ARID5A: variants seen among roughly 807,000 people sequenced by gnomAD.
The protein encoded by ARID5A is AT-rich interaction domain 5A, also known as AT-rich interactive domain-containing protein 5A.
A neutral mutation model predicts 30.5 loss-of-function variants in ARID5A; 14 were observed. The ratio of observed to expected loss-of-function variants is 0.46; its 90% CI spans 0.30 to 0.72. The LOEUF is 0.72. Among genes scored for constraint, ARID5A ranks in the 30% least tolerant of loss-of-function variants. ARID5A has a pLI of 0.07. For missense variants in ARID5A, 669 were observed against 786.2 expected (o/e 0.85, Z 1.78); for synonymous variants, 338 against 340.4 (o/e 0.99, Z 0.08).
chr2:96,537,184 C>G lies in ARID5A; in HGVS notation c.4+354C>G, dbSNP rs2065750050. 6.6e-6 allele frequency among the ~76,000 whole-genome samples: 1 copy of G among 152,226 alleles called. No homozygotes were observed. The highest frequency in any genetic ancestry group is 2.1e-4 in the South Asian group (1 of 4,836). The stretch of plus-strand genomic sequence containing the variant: ...CCGGTACGGCTCTGTCGTCCCACTT[C>G]CTGCTGCGGTTTCCACCTCGAGCTG... On this transcript the variant is annotated intron_variant, in intron 1 of 6. Coordinates refer to ENST00000357485, the MANE Select transcript of ARID5A (RefSeq NM_212481.3). This position sits in a 1 kb window ranked among gnomAD's most constrained non-coding sequence, Gnocchi z 4.8.
In ARID5A at chr2:96,550,034, G is replaced by A. The variant is rs2065999023; in HGVS notation, c.313-154G>A. Reference sequence around the variant, plus strand: ...AAAACTGCTTGGGCCAGCAGTCCATGGCCCTAGGAGAGAGAATCGGCTGGC... The same window carrying A: ...AAAACTGCTTGGGCCAGCAGTCCATAGCCCTAGGAGAGAGAATCGGCTGGC... On this transcript the variant is annotated intron_variant, in intron 4 of 6. Transcript: ENST00000357485. This position sits in a 1 kb window ranked among gnomAD's most constrained non-coding sequence, Gnocchi z 6.6. 1.3e-6 allele frequency: 2 copies of A among 1,533,500 alleles called. No individual in the cohort carries two copies. The highest frequency in any genetic ancestry group is 1.7e-6 in the Non-Finnish European group (2 of 1,146,366). 95.0% of individuals were successfully genotyped at this position (1,533,500 alleles called of 1,614,324 possible).
chr2:96,538,369 TC>T, intron 1 of ARID5A: 1 of 977,228 alleles, frequency 1.0e-6, no homozygotes. Flanking sequence ...AGCCTCACAT[TC>T]AGTGTCCCCC....
chr2:96,539,010 C>T lies in ARID5A; in HGVS notation c.4+2180C>T, dbSNP rs541367471. On this transcript the variant is annotated intron_variant, in intron 1 of 6. Transcript: ENST00000357485. The surrounding 1 kb of genome is among the most constrained non-coding windows in gnomAD (Gnocchi z 4.7). ...AACAGGGGTCTGTAAGTCCATTGCG[C>T]TCATCCTGCACCCAGGAGGCTGATG... is the stretch of plus-strand genomic sequence containing the variant. 1.3e-5 allele frequency among the ~76,000 whole-genome samples: 2 copies of T among 152,296 alleles called. No individual in the cohort carries two copies. The highest frequency in any genetic ancestry group is 6.5e-5 in the Admixed American group (1 of 15,308).
rs747127189 is a variant in ARID5A, at chr2:96,551,277, G to T, written c.749G>T (p.Gly250Val). 5.0e-6 allele frequency: 8 copies of T among 1,613,824 alleles called. No individual in the cohort carries two copies. In the East Asian group the frequency reaches 1.3e-4, roughly 27 times the overall value. The change falls in exon 7 of 7, where the codon GGG (glycine) becomes GTG (valine). Residue 250 changes from glycine to valine, a missense_variant. By Grantham distance (109) the Gly-to-Val change is moderately radical. This residue lies in a region of ARID5A where 548 missense variants were observed against 577.4 expected (regional missense o/e 0.95). Transcript: ENST00000357485. ...CTCCTATCCAGCTTCTACTGCAAGG[G>T]GACACACGGCATCATGTCACCACTG... ...KRLLSSFYCK[G>V]THGIMSPLAK...
At chr2:96,538,786 A>G (rs1363080211) in intron 1 of ARID5A, among the ~76,000 whole-genome samples, 1 of 152,174 alleles carries the variant, frequency 6.6e-6, no homozygotes, top group East Asian at 1.9e-4. Context: ...TGTTACCATT[A>G]TTGTGGTAAT....
Position 96,551,979 on chromosome 2 carries a change from T to A in ARID5A, c.1451T>A (p.Val484Asp). Residue 484 changes from valine (V) to aspartate (D), a missense_variant, in exon 7 of 7, where the codon GTC becomes GAC. By Grantham distance (152) the Val-to-Asp change is radical. Around this residue, in one of 4 missense-constraint regions of ARID5A, gnomAD observed 548 missense variants for 577.4 expected, o/e 0.95. Coordinates refer to ENST00000357485, the MANE Select transcript of ARID5A (RefSeq NM_212481.3). ...CGAKPAGSGLVSCLLGPALGP... is the reference protein window; with the variant it reads ...CGAKPAGSGLDSCLLGPALGP... ...GCCAAACCTGCAGGGTCCGGCCTGG[T>A]CTCCTGCCTTCTGGGCCCAGCCCTG... 6.6e-7 allele frequency: 1 copy of A among 1,518,460 alleles called. No homozygotes were observed. The highest frequency in any genetic ancestry group is 8.8e-7 in the Non-Finnish European group (1 of 1,134,246). 94.1% of individuals were successfully genotyped at this position (1,518,460 alleles called of 1,614,324 possible). A position where few individuals can be genotyped will look rare whatever the true frequency, so the allele number is the denominator to read the frequency against.
intron 1 of ARID5A, chr2:96,538,452 G>A: frequency 1.9e-6 from 1 of 536,922 alleles, no homozygotes; most frequent in Non-Finnish European, 2.4e-6. Context: ...TGTCTCTCTC[G>A]CCCTCCCCCA....
rs115345565 is a variant in ARID5A at position 96,546,213 on chromosome 2, G to T, written c.5-1189G>T. ...TCCTGAGGAGATTCTTTTTCTGTCTGGGATGGAAGGGAAATCTCATAGGTT... is the reference window on the plus strand; with the variant it reads ...TCCTGAGGAGATTCTTTTTCTGTCTTGGATGGAAGGGAAATCTCATAGGTT... On this transcript the variant is annotated intron_variant, in intron 1 of 6. Transcript: ENST00000357485. Among the ~76,000 whole-genome samples, 841 of 152,304 alleles carry T rather than the reference G, an allele frequency of 5.5e-3. 6 individuals carry two copies. Among genetic ancestry groups the T allele is most frequent in the Admixed American group, 8.0e-3 (122 of 15,304 alleles).
At position 96,551,587 on chromosome 2, in the gene ARID5A, G is replaced by T; in HGVS notation, c.1059G>T (p.Lys353Asn). The T allele has an allele frequency of 6.3e-7, 1 of 1,580,976 alleles. No individual in the cohort carries two copies. Among genetic ancestry groups the T allele is most frequent in the Non-Finnish European group, 8.6e-7 (1 of 1,167,502 alleles). The change falls in exon 7 of 7, where the codon AAG (lysine) becomes AAT (asparagine). Residue 353 changes from lysine (K) to asparagine (N), a missense_variant. Transcript: ENST00000357485. Reference sequence around the variant, plus strand: ...ACACCCACCCCACCGAGGTGCTGAAGCCTGTCAGCCAGCACCCCAGGGACT... The same window carrying T: ...ACACCCACCCCACCGAGGTGCTGAATCCTGTCAGCCAGCACCCCAGGGACT... Reference protein sequence around the residue: ...CFYTHPTEVLKPVSQHPRDFF... With the variant: ...CFYTHPTEVLNPVSQHPRDFF...
rs775267535 is a variant in ARID5A at position 96,551,797 on chromosome 2, G to C, written c.1269G>C (p.Lys423Asn). 1 of 1,571,088 alleles carries C rather than the reference G, an allele frequency of 6.4e-7. No individual in the cohort carries two copies. Among genetic ancestry groups the C allele is most frequent in the East Asian group, 2.3e-5 (1 of 44,408 alleles). Residue 423 changes from lysine to asparagine, a missense_variant, in exon 7 of 7, where the codon AAG (lysine) becomes AAC (asparagine). Lys to Asn is a moderately conservative substitution (Grantham distance 94, BLOSUM62 0). Around this residue, in one of 4 missense-constraint regions of ARID5A, gnomAD observed 548 missense variants for 577.4 expected, o/e 0.95. Transcript: ENST00000357485. ...CCTGCTGGGTGTCCCCCATGGCCAA[G>C]GTCCCAGCCGAGAGCCCCACGCTCC... is the stretch of plus-strand genomic sequence containing the variant. ...PKACWVSPMA[K>N]VPAESPTLPP...
At chr2:96,541,575 C>T (rs901109754) in intron 1 of ARID5A, among the ~76,000 whole-genome samples, 3 of 152,170 alleles carry the variant, frequency 2.0e-5, no homozygotes, top group African/African-American at 7.2e-5. Flanking sequence ...GAGGAGGCTA[C>T]TCACTGGGGC....
Position 96,552,295 on chromosome 2 carries a change from C to T in ARID5A, c.1767C>T (p.His589=). The change falls in exon 7 of 7, where the codon CAC becomes CAT. Residue 589 remains histidine (H), a synonymous_variant. Coordinates refer to ENST00000357485, the MANE Select transcript of ARID5A (RefSeq NM_212481.3). ...CCTATGCAGCGCCCCACTTCTTCCACCTCAACACCAAGCTGTAGGCCAGCC... is the reference window on the plus strand; with the variant it reads ...CCTATGCAGCGCCCCACTTCTTCCATCTCAACACCAAGCTGTAGGCCAGCC... ...VTTYAAPHFF[H]LNTKL is the part of the protein sequence containing the mutation. 1 of 1,613,226 alleles carries T rather than the reference C, an allele frequency of 6.2e-7. No homozygotes were observed. Among genetic ancestry groups the T allele is most frequent in the Non-Finnish European group, 8.5e-7 (1 of 1,179,864 alleles).
intron 1 of ARID5A, among the ~76,000 whole-genome samples, chr2:96,540,857 T>C (rs2065832774): frequency 1.3e-5 from 2 of 152,076 alleles, no homozygotes; most frequent in African/African-American, 4.8e-5. Context: ...GCAATTCTCC[T>C]GCCTCAGCCT....
chr2:96,549,673 G>A lies in ARID5A; in HGVS notation c.260-80G>A. 6.2e-7 allele frequency: 1 copy of A among 1,601,948 alleles called. No homozygotes were observed. The highest frequency in any genetic ancestry group is 2.2e-5 in the East Asian group (1 of 44,808). On this transcript the variant is annotated intron_variant, in intron 3 of 6. Transcript: ENST00000357485. The surrounding 1 kb of genome is among the most constrained non-coding windows in gnomAD (Gnocchi z 6.1). ...GTGTGTGCTGGTCTGTGCCTGGCCTGTCAGGGCACCAGGAAGGGGTGGCAT... is the reference window on the plus strand; with the variant it reads ...GTGTGTGCTGGTCTGTGCCTGGCCTATCAGGGCACCAGGAAGGGGTGGCAT...
At chr2:96,548,957 G>C (rs1227209101) in intron 2 of ARID5A, among the ~76,000 whole-genome samples, 1 of 152,230 alleles carries the variant, frequency 6.6e-6, no homozygotes, top group African/African-American at 2.4e-5. Context: ...CCCTCCTGGA[G>C]TTCCTAGTCT....
Position 96,551,377 on chromosome 2 carries a change from G to A in ARID5A, c.849G>A (p.Gly283=), listed in dbSNP as rs753163216. The A allele has an allele frequency of 3.1e-6, 5 of 1,611,858 alleles. No individual in the cohort carries two copies. Among genetic ancestry groups the A allele is most frequent in the Non-Finnish European group, 4.2e-6 (5 of 1,179,610 alleles). ...GCCAGGAGGAGGGCTGCCGCCATGG[G>A]GCAGAGCCCCAGGCGTCCCCAGCTG... ...LQCQEEGCRH[G]AEPQASPAVH... is the part of the protein sequence containing the mutation. The change falls in exon 7 of 7, where the codon GGG becomes GGA. Residue 283 remains glycine, a synonymous_variant. Coordinates refer to ENST00000357485, the MANE Select transcript of ARID5A (RefSeq NM_212481.3).
In ARID5A at chr2:96,549,733, C is replaced by T. The variant is rs2065992576; in HGVS notation, c.260-20C>T. The T allele has an allele frequency of 6.2e-7, 1 of 1,613,944 alleles. No individual in the cohort carries two copies. Among genetic ancestry groups the T allele is most frequent in the Non-Finnish European group, 8.5e-7 (1 of 1,179,956 alleles). ...ACCTCCCACAGAGACTGACGGCCAG[C>T]CTGCTCTTCTCTCCCCCAGTTAACC... On this transcript the variant is annotated intron_variant, in intron 3 of 6. Coordinates refer to ENST00000357485, the MANE Select transcript of ARID5A (RefSeq NM_212481.3). This position sits in a 1 kb window ranked among gnomAD's most constrained non-coding sequence, Gnocchi z 6.1.
At chr2:96,545,156 C>CTTTTTTTTTTTTTTTTTTTTT (rs35156624) in intron 1 of ARID5A, among the ~76,000 whole-genome samples, 2 of 116,332 alleles carry the variant, frequency 1.7e-5, no homozygotes, top group South Asian at 2.7e-4. Flanking sequence ...TTTTCTTTTT[C>CTTTTTTTTTTTTTTTTTTTTT]TTTTTTTTTT....
Position 96,537,900 on chromosome 2 carries a change from C to T in ARID5A, c.4+1070C>T. ...CAGAGTCTTGGGCCAGTAAGGAGTG[C>T]TCCGCGGGCCCCAGGGGAGGACAAC... is the stretch of plus-strand genomic sequence containing the variant. On this transcript the variant is annotated intron_variant, in intron 1 of 6. Coordinates refer to ENST00000357485, the MANE Select transcript of ARID5A (RefSeq NM_212481.3). This position sits in a 1 kb window ranked among gnomAD's most constrained non-coding sequence, Gnocchi z 4.8. The T allele has an allele frequency of 1.0e-6, 1 of 985,516 alleles. No homozygotes were observed. Among genetic ancestry groups the T allele is most frequent in the Non-Finnish European group, 1.2e-6 (1 of 829,994 alleles). 61.0% of individuals were successfully genotyped at this position (985,516 alleles called of 1,614,324 possible). A position where few individuals can be genotyped will look rare whatever the true frequency, so the allele number is the denominator to read the frequency against.
Sources: allele counts gnomAD v4.1 joint callset (sites outside exome capture counted in the v4.1 genomes callset), GRCh38; gene constraint gnomAD v4.1.1; regional missense constraint gnomAD v4.1.1; non-coding constraint Gnocchi (gnomAD v3.1); transcripts MANE v1.5; gene names NCBI Gene and HGNC (gene_info 2026-07-23, HGNC 2026-07-21).